Variants in MAGI2 observed in about 807,000 individuals in gnomAD.
The protein encoded by MAGI2 is membrane-associated guanylate kinase, WW and PDZ domain-containing protein 2.
Under a neutral mutation model 133.3 loss-of-function variants are expected in MAGI2, and 35 were observed. The observed-to-expected ratio is 0.26, with a 90% confidence interval of 0.20 to 0.35. MAGI2 has a LOEUF of 0.35. MAGI2 is among the 10% of genes least tolerant of loss of function. The pLI is 1.00. For missense variants in MAGI2, 1,636 were observed against 1,863.4 expected, an observed-to-expected ratio of 0.88 and a Z score of 2.25; for synonymous variants, 729 against 710.6, an observed-to-expected ratio of 1.03 and a Z score of -0.41.
intron 1 of MAGI2, among the ~76,000 whole-genome samples, chr7:79,016,855 C>T (rs1808784159): frequency 6.6e-6 from 1 of 152,236 alleles, no homozygotes; most frequent in South Asian, 2.1e-4. Context: ...TGCCCCCAAC[C>T]CCAGCAGCAG....
chr7:78,253,841 G>A (rs1298213013), intron 10 of MAGI2: 3 of 152,110 alleles, frequency 2.0e-5, no homozygotes, highest in Non-Finnish European at 2.9e-5. Context: ...CCAGGCCTGC[G>A]ACTCAGCTCT....
chr7:78,906,337 C>T (rs557230205), intron 2 of MAGI2, among the ~76,000 whole-genome samples: 1 of 152,160 alleles, frequency 6.6e-6, no homozygotes, highest in Non-Finnish European at 1.5e-5. Flanking sequence ...CGTTTCATTG[C>T]TTTCGTCTAG....
At chr7:78,929,859 G>T (rs1407448697) in intron 2 of MAGI2, among the ~76,000 whole-genome samples, 1 of 152,016 alleles carries the variant, frequency 6.6e-6, no homozygotes, top group Non-Finnish European at 1.5e-5. Flanking sequence ...TACCAGAAAG[G>T]CTAAGAAGCA....
intron 2 of MAGI2, among the ~76,000 whole-genome samples, chr7:78,657,126 G>C (rs546178459): frequency 1.4e-4 from 21 of 152,208 alleles, no homozygotes; most frequent in Non-Finnish European, 2.5e-4. Flanking sequence ...AAATAACAAT[G>C]AGATACTACT....
intron 1 of MAGI2, among the ~76,000 whole-genome samples, chr7:79,146,776 A>T (rs117039007): frequency 6.6e-6 from 1 of 152,096 alleles, no homozygotes; most frequent in Non-Finnish European, 1.5e-5. Flanking sequence ...TTTTTAAATT[A>T]CCCAGTCTTA....
At chr7:79,100,548 T>A (rs562955478) in intron 1 of MAGI2, among the ~76,000 whole-genome samples, 20 of 151,754 alleles carry the variant, frequency 1.3e-4, no homozygotes, top group African/African-American at 4.3e-4. Context: ...CTTTATTCAT[T>A]TTCTACTTTT....
Position 78,133,005 on chromosome 7 carries a change from C to A in MAGI2, c.3087G>T (p.Gln1029His), listed in dbSNP as rs778723204. 2 of 1,607,508 alleles carry A rather than the reference C, an allele frequency of 1.2e-6. No individual in the cohort carries two copies. The highest frequency in any genetic ancestry group is 3.4e-5 in the Admixed American group (2 of 58,560). Residue 1029 changes from glutamine (Q) to histidine (H), a missense_variant, in exon 18 of 22, where the codon CAG (glutamine) becomes CAT (histidine). Transcript: ENST00000354212. ...PSSEKQSPMAQQSPLAQQSPL... is the reference protein window; with the variant it reads ...PSSEKQSPMAHQSPLAQQSPL... ...GACTCTGCTGTGCCAGGGGACTCTG[C>A]TGCGCCATGGGACTCTGCTTCTCTG...
At chr7:78,630,923 G>A (rs1412144600) in intron 2 of MAGI2, among the ~76,000 whole-genome samples, 1 of 152,020 alleles carries the variant, frequency 6.6e-6, no homozygotes, top group Non-Finnish European at 1.5e-5. Flanking sequence ...TGCCATCCAG[G>A]GATCATCCTT....
At chr7:78,191,438 C>T (rs975388925) in intron 12 of MAGI2, among the ~76,000 whole-genome samples, 1 of 152,094 alleles carries the variant, frequency 6.6e-6, no homozygotes, top group African/African-American at 2.4e-5. Context: ...GTTCAGAAAT[C>T]GTTTTTCTAT....
At chr7:78,094,144 C>T (rs1817495226) in intron 20 of MAGI2, among the ~76,000 whole-genome samples, 1 of 152,304 alleles carries the variant, frequency 6.6e-6, no homozygotes, top group Non-Finnish European at 1.5e-5. Context: ...CTCTCCCATG[C>T]CACTGACTGT....
At chr7:78,334,168 T>G (rs1242795221) in intron 9 of MAGI2, among the ~76,000 whole-genome samples, 2 of 152,120 alleles carry the variant, frequency 1.3e-5, no homozygotes, top group Non-Finnish European at 2.9e-5. Flanking sequence ...GAGCTCAGAA[T>G]GGTTAGGAAG....
intron 1 of MAGI2, among the ~76,000 whole-genome samples, chr7:79,146,006 G>A (rs1379767359): frequency 1.3e-5 from 2 of 151,912 alleles, no homozygotes; most frequent in Non-Finnish European, 2.9e-5. Flanking sequence ...CCTCATTTTT[G>A]TTATTCCCAA....
chr7:78,768,972 C>A (rs1825306650), intron 2 of MAGI2, among the ~76,000 whole-genome samples: 1 of 152,134 alleles, frequency 6.6e-6, no homozygotes, highest in South Asian at 2.1e-4. Context: ...CAAACCAGAG[C>A]TCTCTGCTAA....
At chr7:78,642,458 A>G (rs1810414372) in intron 2 of MAGI2, among the ~76,000 whole-genome samples, 1 of 152,188 alleles carries the variant, frequency 6.6e-6, no homozygotes, top group Admixed American at 6.5e-5. Context: ...AACAGGAGAG[A>G]GCCCTCTAGC....
intron 1 of MAGI2, among the ~76,000 whole-genome samples, chr7:79,321,851 A>G (rs1839208892): frequency 6.6e-6 from 1 of 152,168 alleles, no homozygotes; most frequent in Non-Finnish European, 1.5e-5. Flanking sequence ...TTAAGTTACT[A>G]TTGTTGGAAA....
At chr7:79,237,546 A>G (rs903891768) in intron 1 of MAGI2, among the ~76,000 whole-genome samples, 3 of 152,160 alleles carry the variant, frequency 2.0e-5, no homozygotes, top group Admixed American at 6.5e-5. Context: ...ATAATCCTCA[A>G]TGCAGAGAGA....
intron 9 of MAGI2, among the ~76,000 whole-genome samples, chr7:78,314,036 A>G (rs1262845269): frequency 6.6e-6 from 1 of 152,156 alleles, no homozygotes; most frequent in Non-Finnish European, 1.5e-5. Context: ...TTTGCATTAA[A>G]AAGATTAATC....
intron 2 of MAGI2, among the ~76,000 whole-genome samples, chr7:78,974,715 A>G (rs374365496): frequency 1.3e-5 from 2 of 151,798 alleles, no homozygotes; most frequent in East Asian, 3.9e-4. Flanking sequence ...GCTCACAGAC[A>G]TCTAATCCTT....
In MAGI2 at chr7:79,318,448, T is replaced by C. The variant is rs114403416; in HGVS notation, c.301+134572A>G. Among the ~76,000 whole-genome samples the C allele has an allele frequency of 3.1e-3, 478 of 152,320 alleles. 2 individuals are homozygous for C. Among genetic ancestry groups the C allele is most frequent in the African/African-American group, 0.011 (467 of 41,582 alleles). ...ATAGATAAATGGAATAAAATTCCTT[T>C]TGTGGAATTACATCTGTCTCAAAGT... is the stretch of plus-strand genomic sequence containing the variant. On this transcript the variant is annotated intron_variant, in intron 1 of 21. Coordinates refer to ENST00000354212, the MANE Select transcript of MAGI2 (RefSeq NM_012301.4).
Sources: allele counts gnomAD v4.1 joint callset (sites outside exome capture counted in the v4.1 genomes callset), GRCh38; gene constraint gnomAD v4.1.1; transcripts MANE v1.5; gene names NCBI Gene and HGNC (gene_info 2026-07-23, HGNC 2026-07-21).